The following PRKDC variants were observed in gnomAD, a reference collection of about 807,000 sequenced individuals.
PRKDC encodes the protein protein kinase, DNA-activated, catalytic subunit.
A neutral mutation model predicts 486.9 loss-of-function variants in PRKDC; 82 were observed. The observed-to-expected ratio is 0.17, with a 90% CI of 0.14 to 0.20. The LOEUF is 0.20. Among genes scored for constraint, PRKDC ranks in the 10% least tolerant of loss-of-function variants. The probability of loss-of-function intolerance (pLI) is 1.00; values close to 1 mark genes in which losing one functional copy is unlikely to be tolerated. For missense variants in PRKDC, 4,504 were observed against 5,038.2 expected (o/e 0.89, Z 3.21); for synonymous variants, 1,895 against 1,837.0 (o/e 1.03, Z -0.81).
intron 1 of PRKDC, among the ~76,000 whole-genome samples, chr8:47,959,747 G>A (rs376227571): frequency 6.6e-6 from 1 of 152,154 alleles, no homozygotes; most frequent in Non-Finnish European, 1.5e-5. Flanking sequence ...CATATTAGGG[G>A]TCGTTTTCAC....
At chr8:47,914,669 C>T (rs1047021512) in intron 23 of PRKDC, among the ~76,000 whole-genome samples, 4 of 151,886 alleles carry the variant, frequency 2.6e-5, no homozygotes, top group African/African-American at 9.7e-5. Context: ...GGCATGGTGG[C>T]GTCTGTCTGT....
At chr8:47,804,321 TG>T (rs2087173558) in intron 69 of PRKDC, among the ~76,000 whole-genome samples, 1 of 149,020 alleles carries the variant, frequency 6.7e-6, no homozygotes, top group South Asian at 2.1e-4. Context: ...TTTTTTGAGA[TG>T]GAGTTTCACT....
rs372929148 is a variant in PRKDC, at chr8:47,778,439, C to T, written c.11853+20G>A. On this transcript the variant is annotated intron_variant, in intron 83 of 85. Transcript: ENST00000314191. ...ATGACTCTCGCCTTGCCCAGGATCA[C>T]GAGAGCACAGCAAGTGCACCTGTGT... 55 of 1,606,016 alleles carry T rather than the reference C, an allele frequency of 3.4e-5. No individual in the cohort carries two copies. The highest frequency in any genetic ancestry group is 3.3e-4 in the Middle Eastern group (2 of 6,058).
chr8:47,907,824 A>C (rs2089819940), intron 25 of PRKDC, among the ~76,000 whole-genome samples: 1 of 152,162 alleles, frequency 6.6e-6, no homozygotes, highest in Non-Finnish European at 1.5e-5. Context: ...AATAAAAATA[A>C]ATCTGCCAAG....
At chr8:47,931,722 G>A (rs1170826842) in intron 16 of PRKDC, among the ~76,000 whole-genome samples, 2 of 152,116 alleles carry the variant, frequency 1.3e-5, no homozygotes, top group Admixed American at 6.5e-5. Context: ...AGGTACTGAC[G>A]CATGAACTCG....
At chr8:47,780,394 C>A (rs138699217) in intron 80 of PRKDC, among the ~76,000 whole-genome samples, 1 of 152,054 alleles carries the variant, frequency 6.6e-6, no homozygotes, top group East Asian at 1.9e-4. Context: ...TTCAGTGTTT[C>A]CTAGGAAAAA....
At chr8:47,915,061 T>C (rs1003452984) in intron 23 of PRKDC, among the ~76,000 whole-genome samples, 7 of 152,192 alleles carry the variant, frequency 4.6e-5, no homozygotes, top group Non-Finnish European at 1.0e-4. Flanking sequence ...GACACTAATA[T>C]GGAAAAGAGT....
rs528142441 is a variant in PRKDC at position 47,852,760 on chromosome 8, A to G, written c.6918T>C (p.Asn2306=). ...SSEYFQALVN[N]MSFVRYKEVY... ...CTTCTTTATATCTTACAAAGGACATATTATTCACCAAAGCCTGGAAGTATC... is the reference window on the plus strand; with the variant it reads ...CTTCTTTATATCTTACAAAGGACATGTTATTCACCAAAGCCTGGAAGTATC... Residue 2306 remains asparagine, a synonymous_variant, in exon 52 of 86, where the codon AAT becomes AAC. Coordinates refer to ENST00000314191, the MANE Select transcript of PRKDC (RefSeq NM_006904.7). The G allele has an allele frequency of 3.8e-6, 6 of 1,572,156 alleles. No homozygotes were observed. In the African/African-American group the frequency reaches 6.7e-5, roughly 18 times the overall value.
At position 47,823,859 on chromosome 8, in the gene PRKDC, T is replaced by C; in HGVS notation, c.8921A>G (p.Glu2974Gly). 1 of 1,613,320 alleles carries C rather than the reference T, an allele frequency of 6.2e-7. No homozygotes were observed. The highest frequency in any genetic ancestry group is 8.5e-7 in the Non-Finnish European group (1 of 1,179,590). The change falls in exon 64 of 86, where the codon GAG (glutamate) becomes GGG (glycine). Residue 2974 changes from glutamate to glycine, a missense_variant and splice_region_variant. By Grantham distance (98) the Glu-to-Gly change is moderately conservative. Around this residue, in one of 6 missense-constraint regions of PRKDC, gnomAD observed 1,592 missense variants for 1,724.6 expected, o/e 0.92. Coordinates refer to ENST00000314191, the MANE Select transcript of PRKDC (RefSeq NM_006904.7). ...DYSEAAKQYD[E>G]ALNKQDWVDG... is the part of the protein sequence containing the mutation. Reference sequence around the variant, plus strand: ...TATTTTGCCAGAGATCAATTTTACCTCATCATACTGCTTAGCAGCTTCAGA... The same window carrying C: ...TATTTTGCCAGAGATCAATTTTACCCCATCATACTGCTTAGCAGCTTCAGA...
intron 68 of PRKDC, among the ~76,000 whole-genome samples, chr8:47,813,373 C>T (rs1589714333): frequency 2.0e-5 from 3 of 152,154 alleles, no homozygotes; most frequent in South Asian, 2.1e-4. Context: ...CCACCTCGGC[C>T]TCCTAAAGTG....
intron 64 of PRKDC, 30 bp downstream of exon 64, chr8:47,823,828 A>G: frequency 6.2e-7 from 1 of 1,610,216 alleles, no homozygotes; most frequent in Non-Finnish European, 8.5e-7. Context: ...GTTGAAGTAA[A>G]TGTCATATTT....
intron 7 of PRKDC, among the ~76,000 whole-genome samples, chr8:47,950,952 C>CT (rs1396574646): frequency 4.6e-5 from 7 of 152,234 alleles, no homozygotes; most frequent in African/African-American, 1.7e-4. Context: ...AGCCACTGTA[C>CT]TTTTGCCTGG....
chr8:47,826,777 C>G lies in PRKDC; in HGVS notation c.8662G>C (p.Val2888Leu), dbSNP rs185741285. ...AGCLASLQQP[V>L]GIRLLEEALL... ...GCCTCCTCTAGCAGGCGGATGCCCA[C>G]GGGCTGCTGTAGGCTGGCCAGGCAA... The change falls in exon 63 of 86, where the codon GTG becomes CTG. Residue 2888 changes from valine (V) to leucine (L), a missense_variant. Transcript: ENST00000314191. 9.2e-4 allele frequency: 1,484 copies of G among 1,611,482 alleles called. 3 individuals carry two copies. Among genetic ancestry groups the G allele is most frequent in the South Asian group, 1.4e-3 (129 of 90,560 alleles).
chr8:47,940,237 A>G (rs1410281025), intron 10 of PRKDC, among the ~76,000 whole-genome samples: 1 of 152,232 alleles, frequency 6.6e-6, no homozygotes, highest in Non-Finnish European at 1.5e-5. Flanking sequence ...ATAAGCTACA[A>G]ACTATAAAGC....
intron 30 of PRKDC, among the ~76,000 whole-genome samples, chr8:47,894,293 A>G (rs1437767569): frequency 1.3e-5 from 2 of 152,146 alleles, no homozygotes; most frequent in African/African-American, 4.8e-5. Flanking sequence ...AGAAAGAAAG[A>G]GAGAACATTT....
Position 47,839,216 on chromosome 8 carries a change from G to C in PRKDC, c.7485C>G (p.Ser2495=), listed in dbSNP as rs758914571. The C allele has an allele frequency of 3.1e-6, 5 of 1,613,594 alleles. No homozygotes were observed. The South Asian group carries it at 4.4e-5, about 14-fold the overall frequency. The change falls in exon 56 of 86, where the codon TCC becomes TCG. Residue 2495 remains serine, a synonymous_variant. Transcript: ENST00000314191. ...CTTTTGCCAACTTAAATATTTCCTG[G>C]GAGTCATTATCTGTCTCACTTTCTG... is the stretch of plus-strand genomic sequence containing the variant. ...RDPESETDND[S]QEIFKLAKDV...
chr8:47,900,327 ACT>A (rs748262117), intron 28 of PRKDC, 44 bp downstream of exon 28: 2 of 1,391,532 alleles, frequency 1.4e-6, no homozygotes, highest in Admixed American at 2.7e-5. Flanking sequence ...CATTGGGGAA[ACT>A]CTTCAGACCT....
In PRKDC at chr8:47,807,293, A is replaced by C. The variant is rs2087234023; in HGVS notation, c.9591T>G (p.Leu3197=). The change falls in exon 69 of 86, where the codon CTT becomes CTG. Residue 3197 remains leucine, a synonymous_variant. Coordinates refer to ENST00000314191, the MANE Select transcript of PRKDC (RefSeq NM_006904.7). ...TACTATTATCTTCTGGAAGAGGGGT[A>C]AGCTTCTCCTCTATTTTGCTGAGAA... is the stretch of plus-strand genomic sequence containing the variant. ...CFFLSKIEEK[L]TPLPEDNSMN... 6.3e-7 allele frequency: 1 copy of C among 1,594,458 alleles called. No homozygotes were observed.
intron 34 of PRKDC, among the ~76,000 whole-genome samples, 190 bp from the exon 35 acceptor site, chr8:47,887,895 G>A (rs571717765): frequency 2.0e-4 from 30 of 152,152 alleles, no homozygotes; most frequent in African/African-American, 7.2e-4. Flanking sequence ...TTGCTCTGTC[G>A]CCCAGGCTGG....
Sources: gnomAD v4.1 joint callset for allele counts (sites outside exome capture counted in the v4.1 genomes callset) on GRCh38, gnomAD v4.1.1 for gene constraint, gnomAD v4.1.1 regional missense constraint, MANE v1.5 for transcripts, NCBI Gene and HGNC (gene_info 2026-07-23, HGNC 2026-07-21) for gene names.